The following BCL2 variants were observed in gnomAD, a reference collection of about 807,000 sequenced individuals.
BCL2 encodes the protein apoptosis regulator Bcl-2.
In BCL2, 1 loss-of-function variant was observed where a neutral mutation model predicts 14.2. The observed-to-expected ratio is 0.07, with a 90% CI of 0.02 to 0.33. The LOEUF (loss-of-function observed/expected upper bound fraction) is 0.33. BCL2 is among the 10% of genes least tolerant of loss of function. The pLI, the probability that BCL2 is intolerant of heterozygous loss-of-function variation, is 0.99. For synonymous variants in BCL2, 151 were observed against 137.2 expected, an observed-to-expected ratio of 1.10 and a Z score of -0.70; for missense variants, 247 against 305.9, an observed-to-expected ratio of 0.81 and a Z score of 1.44.
intron 2 of BCL2, chr18:63,207,702 A>C (rs926274328): frequency 6.6e-6 from 1 of 152,160 alleles, no homozygotes; most frequent in Non-Finnish European, 1.5e-5. Flanking sequence ...GCCTTACTTA[A>C]TATGGGGGTG....
intron 2 of BCL2, among the ~76,000 whole-genome samples, chr18:63,303,991 A>G (rs1913043256): frequency 6.6e-6 from 1 of 152,202 alleles, no homozygotes; most frequent in Non-Finnish European, 1.5e-5. Context: ...TTAAGGTACA[A>G]CACTGTTTTC....
chr18:63,153,021 C>G (rs564107488), intron 2 of BCL2, among the ~76,000 whole-genome samples: 1 of 152,338 alleles, frequency 6.6e-6, no homozygotes, highest in African/African-American at 2.4e-5. Flanking sequence ...TCCCACTTTT[C>G]ACCCTCTCCA....
At chr18:63,201,124 C>T (rs954157078) in intron 2 of BCL2, among the ~76,000 whole-genome samples, 7 of 152,292 alleles carry the variant, frequency 4.6e-5, no homozygotes, top group South Asian at 2.1e-4. Flanking sequence ...CCTGCTGCTA[C>T]GCTGATAGCC....
chr18:63,254,734 A>C (rs1255794266), intron 2 of BCL2, among the ~76,000 whole-genome samples: 2 of 152,230 alleles, frequency 1.3e-5, no homozygotes, highest in African/African-American at 4.8e-5. Context: ...GCAGTGGTCC[A>C]GAATTTTGAG....
chr18:63,224,737 A>C (rs752454577), intron 2 of BCL2, among the ~76,000 whole-genome samples: 5 of 152,186 alleles, frequency 3.3e-5, no homozygotes, highest in Non-Finnish European at 5.9e-5. Flanking sequence ...GACGGCACTG[A>C]AGTGAGATAC....
At chr18:63,179,738 G>A (rs9959358) in intron 2 of BCL2, among the ~76,000 whole-genome samples, 3 of 152,174 alleles carry the variant, frequency 2.0e-5, no homozygotes, top group Admixed American at 2.0e-4. Flanking sequence ...AAGAGATTCC[G>A]ATCAAGCCCT....
chr18:63,201,058 A>G (rs1909675869), intron 2 of BCL2, among the ~76,000 whole-genome samples: 1 of 152,206 alleles, frequency 6.6e-6, no homozygotes, highest in Non-Finnish European at 1.5e-5. Context: ...AGGCAGCATT[A>G]CGGAGCAGAA....
chr18:63,225,382 AC>A (rs918794969), intron 2 of BCL2, among the ~76,000 whole-genome samples: 2 of 152,226 alleles, frequency 1.3e-5, no homozygotes, highest in African/African-American at 4.8e-5. Flanking sequence ...AATTGATGAA[AC>A]AAAAGATAAC....
In BCL2 at chr18:63,313,514, C is replaced by A. The variant is rs372397666; in HGVS notation, c.585+4568G>T. Among the ~76,000 whole-genome samples the A allele has an allele frequency of 2.6e-5, 4 of 152,262 alleles. 1 individual carries two copies. ...TTACCTTAAAAAGGTTGAACAGAAC[C>A]TTTGAATCTCAAATACAATATATCT... On this transcript the variant is annotated intron_variant, in intron 2 of 2. Coordinates refer to ENST00000333681, the MANE Select transcript of BCL2 (RefSeq NM_000633.3).
intron 2 of BCL2, among the ~76,000 whole-genome samples, chr18:63,144,081 A>G (rs1033791516): frequency 1.3e-4 from 20 of 152,202 alleles, no homozygotes; most frequent in African/African-American, 4.8e-4. Flanking sequence ...GCAAATTGCT[A>G]TTTCCACTGA....
In BCL2 at chr18:63,310,903, CTG is replaced by C. The variant is rs1912539362; in HGVS notation, c.585+7177_585+7178del. Among the ~76,000 whole-genome samples, 4 of 152,242 alleles carry C rather than the reference CTG, an allele frequency of 2.6e-5. No individual in the cohort carries two copies. In the South Asian group the frequency reaches 8.3e-4, roughly 32 times the overall value. On this transcript the variant is annotated intron_variant, in intron 2 of 2. Transcript: ENST00000333681. The stretch of plus-strand genomic sequence containing the variant: ...TGTTATAAAATACCTCAAAACCTCT[CTG>C]TGTGTCTTCAGTGTGTGTGTTTTTA...
At chr18:63,131,720 G>C (rs1490820376) in intron 2 of BCL2, among the ~76,000 whole-genome samples, 2 of 152,226 alleles carry the variant, frequency 1.3e-5, no homozygotes, top group East Asian at 3.8e-4. Context: ...GAAGGTCAGT[G>C]GCCGGGCTCT....
At chr18:63,261,516 G>T (rs114341634) in intron 2 of BCL2, among the ~76,000 whole-genome samples, 1,858 of 152,298 alleles carry the variant, frequency 0.012, 36 homozygotes, top group African/African-American at 0.04. Context: ...AGAGAGCCAT[G>T]CAGGGCAGCC....
At position 63,127,941 on chromosome 18, in the gene BCL2, C is replaced by T. The variant is rs1196121526; in HGVS notation, c.*684G>A. On this transcript the variant is annotated 3_prime_UTR_variant, in exon 3 of 3. Transcript: ENST00000333681. ...TTCCTATGATTTAAGGGCATTTTTC[C>T]CATCGCTGTCCTTCGGCGTGGAAAT... is the stretch of plus-strand genomic sequence containing the variant. 2 of 225,316 alleles carry T rather than the reference C, an allele frequency of 8.9e-6. No individual in the cohort carries two copies. The highest frequency in any genetic ancestry group is 5.7e-5 in the Admixed American group (1 of 17,452). The allele number at this position is 225,316 out of a possible 1,614,324, so 14.0% of individuals were successfully genotyped here.
At position 63,318,924 on chromosome 18, in the gene BCL2, G is replaced by T; in HGVS notation, c.-258C>A. 7.2e-7 allele frequency: 1 copy of T among 1,380,708 alleles called. No individual in the cohort carries two copies. The highest frequency in any genetic ancestry group is 9.4e-7 in the Non-Finnish European group (1 of 1,061,800). The allele number at this position is 1,380,708 out of a possible 1,614,324, so 85.5% of individuals were successfully genotyped here. On this transcript the variant is annotated 5_prime_UTR_variant, in exon 2 of 3. Transcript: ENST00000333681. The surrounding 1 kb of genome is among the most constrained non-coding windows in gnomAD (Gnocchi z 7.4). ...AGGCACGTTATTATTAGTAAGTATTGTTAATATCAGTCTACTTCCTCTGTG... is the reference window on the plus strand; with the variant it reads ...AGGCACGTTATTATTAGTAAGTATTTTTAATATCAGTCTACTTCCTCTGTG...
At chr18:63,270,304 C>T (rs1229629949) in intron 2 of BCL2, among the ~76,000 whole-genome samples, 1 of 152,152 alleles carries the variant, frequency 6.6e-6, no homozygotes, top group Non-Finnish European at 1.5e-5. Flanking sequence ...AATCACTGTT[C>T]ATCCTGGGAA....
At chr18:63,263,887 G>A (rs1353407254) in intron 2 of BCL2, among the ~76,000 whole-genome samples, 1 of 152,132 alleles carries the variant, frequency 6.6e-6, no homozygotes, top group Non-Finnish European at 1.5e-5. Context: ...GTGCAATAGT[G>A]CAATCTCAGC....
At chr18:63,261,705 G>A (rs1306974147) in intron 2 of BCL2, among the ~76,000 whole-genome samples, 1 of 151,932 alleles carries the variant, frequency 6.6e-6, no homozygotes, top group East Asian at 1.9e-4. Context: ...GTCCTATCCT[G>A]TCTTAAAAAA....
chr18:63,274,277 C>CTTTTTTTTTTTTTTTTTTT (rs74169950), intron 2 of BCL2, among the ~76,000 whole-genome samples: 1 of 86,752 alleles, frequency 1.2e-5, no homozygotes. Context: ...TAAAGATACT[C>CTTTTTTTTTTTTTTTTTTT]TTTTTTTTTT....
Sources: gnomAD v4.1 joint callset for allele counts (sites outside exome capture counted in the v4.1 genomes callset) on GRCh38, gnomAD v4.1.1 for gene constraint, Gnocchi (gnomAD v3.1) non-coding constraint, MANE v1.5 for transcripts, NCBI Gene and HGNC (gene_info 2026-07-23, HGNC 2026-07-21) for gene names.